PVT1: variants seen among roughly 807,000 people sequenced by gnomAD.
The protein encoded by PVT1 is Pvt1 oncogene.
intron 2 of PVT1, among the ~76,000 whole-genome samples, chr8:127,877,471 G>GTC (rs145239419): frequency 6.6e-5 from 10 of 151,668 alleles, no homozygotes; most frequent in East Asian, 5.8e-4. Flanking sequence ...TACCCCGAGG[G>GTC]TCTCTCTCTC....
intron 4 of PVT1, among the ~76,000 whole-genome samples, chr8:128,040,208 T>C (rs1310268793): frequency 6.6e-6 from 1 of 152,222 alleles, no homozygotes; most frequent in African/African-American, 2.4e-5. Flanking sequence ...GAGGTTAACA[T>C]TTAAATCAGT....
exon 5 of PVT1, chr8:128,070,334 A>G (rs2130134713): frequency 6.6e-6 from 1 of 152,138 alleles, no homozygotes; most frequent in East Asian, 1.9e-4. Flanking sequence ...ACTGTGGGAG[A>G]GTTTCTCTGA....
At chr8:127,860,479 AGGCAGCTGGGCAT>A (rs1815210595) in intron 2 of PVT1, among the ~76,000 whole-genome samples, 1 of 152,050 alleles carries the variant, frequency 6.6e-6, no homozygotes, top group African/African-American at 2.4e-5. Flanking sequence ...AGAGAAGACA[AGGCAGCTGGGCAT>A]GGTGGCTCAG....
At chr8:128,046,903 G>A (rs185979449) in intron 4 of PVT1, among the ~76,000 whole-genome samples, 2 of 152,256 alleles carry the variant, frequency 1.3e-5, no homozygotes, top group East Asian at 3.9e-4. Context: ...GTTTTCTCCA[G>A]GGGACCAAGG....
chr8:128,001,051 CT>C (rs757681481), intron 4 of PVT1, among the ~76,000 whole-genome samples: 5 of 152,220 alleles, frequency 3.3e-5, no homozygotes, highest in African/African-American at 4.8e-5. Context: ...CCTTTGCATC[CT>C]TTGCTCAGTT....
intron 4 of PVT1, among the ~76,000 whole-genome samples, chr8:128,039,738 T>G (rs1358621162): frequency 1.3e-5 from 2 of 152,140 alleles, no homozygotes; most frequent in African/African-American, 2.4e-5. Flanking sequence ...CTGGCTGCTG[T>G]GTTGAAAGTG....
chr8:128,026,233 G>A (rs896148883), intron 4 of PVT1, among the ~76,000 whole-genome samples: 1 of 152,108 alleles, frequency 6.6e-6, no homozygotes, highest in Admixed American at 6.5e-5. Context: ...GTGAGCCACC[G>A]CACCCAGTCC....
At chr8:127,997,545 A>T (rs931677986) in intron 4 of PVT1, among the ~76,000 whole-genome samples, 10 of 152,110 alleles carry the variant, frequency 6.6e-5, no homozygotes, top group Non-Finnish European at 2.9e-5. Flanking sequence ...AGATGTCATG[A>T]TTTTTTACCT....
intron 4 of PVT1, among the ~76,000 whole-genome samples, chr8:128,045,691 G>A (rs139084799): frequency 6.6e-4 from 100 of 152,312 alleles, no homozygotes; most frequent in African/African-American, 2.4e-3. Flanking sequence ...TTAGCTCCTT[G>A]TGACAACCGA....
At chr8:127,902,904 C>T (rs1396679566) in intron 3 of PVT1, among the ~76,000 whole-genome samples, 5 of 152,050 alleles carry the variant, frequency 3.3e-5, no homozygotes, top group Non-Finnish European at 5.9e-5. Context: ...CACATGGGTG[C>T]GTGTGTACTT....
chr8:127,922,061 A>G (rs1450725197), intron 3 of PVT1, among the ~76,000 whole-genome samples: 3 of 151,554 alleles, frequency 2.0e-5, no homozygotes, highest in East Asian at 3.9e-4. Context: ...GTGTTTCACC[A>G]TATTGGTCAG....
At chr8:127,874,877 C>T (rs759763150) in intron 2 of PVT1, among the ~76,000 whole-genome samples, 1 of 151,818 alleles carries the variant, frequency 6.6e-6, no homozygotes. Context: ...GCCCTTCCCT[C>T]GCTCTGCAGT....
chr8:127,827,762 T>C (rs1250976882), intron 2 of PVT1, among the ~76,000 whole-genome samples: 1 of 152,078 alleles, frequency 6.6e-6, no homozygotes, highest in Non-Finnish European at 1.5e-5. Context: ...GAGTCTTGAG[T>C]TGAGTTCTGC....
chr8:127,855,093 A>G (rs1370933278), intron 2 of PVT1: 1 of 398,398 alleles, frequency 2.5e-6, no homozygotes, highest in Non-Finnish European at 4.4e-6. Flanking sequence ...GATTCAAGTT[A>G]AGTTTCTCTC....
chr8:127,832,263 G>T (rs571057967), intron 2 of PVT1, among the ~76,000 whole-genome samples: 1 of 152,068 alleles, frequency 6.6e-6, no homozygotes, highest in Non-Finnish European at 1.5e-5. Context: ...ATATTCCCAC[G>T]CAGAGATAGC....
At chr8:127,857,306 A>G (rs921907376) in intron 2 of PVT1, among the ~76,000 whole-genome samples, 1 of 150,128 alleles carries the variant, frequency 6.7e-6, no homozygotes, top group Non-Finnish European at 1.5e-5. Context: ...ACTGAGATGA[A>G]TAAGACCTCT....
At chr8:127,897,562 AAAG>A in intron 3 of PVT1, among the ~76,000 whole-genome samples, 2 of 151,184 alleles carry the variant, frequency 1.3e-5, no homozygotes, top group South Asian at 4.2e-4. Flanking sequence ...AGAAGGAAAG[AAAG>A]AAGGAAGGAA....
At chr8:127,914,117 C>T (rs1056441350) in intron 3 of PVT1, among the ~76,000 whole-genome samples, 6 of 151,776 alleles carry the variant, frequency 4.0e-5, no homozygotes, top group Admixed American at 1.3e-4. Context: ...ACACATTTCT[C>T]CAGAGAAGTT....
chr8:127,962,989 G>A (rs1423327299), intron 3 of PVT1, among the ~76,000 whole-genome samples: 2 of 152,200 alleles, frequency 1.3e-5, no homozygotes, highest in African/African-American at 4.8e-5. Flanking sequence ...GGGGTGGTCA[G>A]GGAAGAGGAG....
Sources: allele counts gnomAD v4.1 joint callset (sites outside exome capture counted in the v4.1 genomes callset), GRCh38; gene constraint gnomAD v4.1.1; transcripts MANE v1.5; gene names NCBI Gene and HGNC (gene_info 2026-07-23, HGNC 2026-07-21).